ATRNL1: variants seen among roughly 807,000 people sequenced by gnomAD.
ATRNL1 encodes the protein attractin like 1.
Under a neutral mutation model 182.7 loss-of-function variants are expected in ATRNL1, and 95 were observed. The observed-to-expected ratio is 0.52, with a 90% confidence interval of 0.44 to 0.62. The LOEUF is 0.62. Among genes scored for constraint, ATRNL1 ranks in the 20% least tolerant of loss-of-function variants. ATRNL1 has a pLI of 0.00. For missense variants in ATRNL1, 1,471 were observed against 1,679.5 expected, an observed-to-expected ratio of 0.88 and a Z score of 2.17; for synonymous variants, 576 against 568.3, an observed-to-expected ratio of 1.01 and a Z score of -0.19.
intron 15 of ATRNL1, among the ~76,000 whole-genome samples, chr10:115,287,857 C>G (rs1053950343): frequency 6.6e-6 from 1 of 151,744 alleles, no homozygotes; most frequent in Non-Finnish European, 1.5e-5. Context: ...TCTTATCCCT[C>G]CCTTTCGCCT....
chr10:115,578,298 C>T (rs1027071915), intron 26 of ATRNL1, among the ~76,000 whole-genome samples: 2 of 151,690 alleles, frequency 1.3e-5, no homozygotes, highest in African/African-American at 4.8e-5. Context: ...CCTCTATTTT[C>T]ATTTTTTGGA....
At chr10:115,935,174 T>C (rs1953518836) in intron 28 of ATRNL1, among the ~76,000 whole-genome samples, 1 of 152,146 alleles carries the variant, frequency 6.6e-6, no homozygotes, top group Admixed American at 6.5e-5. Context: ...ATCTTTGCCC[T>C]AGTTTGATGT....
intron 19 of ATRNL1, among the ~76,000 whole-genome samples, chr10:115,381,910 T>A (rs1858035739): frequency 6.6e-6 from 1 of 152,122 alleles, no homozygotes; most frequent in Non-Finnish European, 1.5e-5. Context: ...CTATTTTTTT[T>A]AAACATGCAT....
intron 28 of ATRNL1, among the ~76,000 whole-genome samples, chr10:115,885,547 A>G (rs1257397808): frequency 6.6e-6 from 1 of 152,244 alleles, no homozygotes; most frequent in Non-Finnish European, 1.5e-5. Flanking sequence ...ATCTGATCAC[A>G]ATGCTAACAT....
chr10:115,510,452 T>A (rs904246927), intron 24 of ATRNL1, among the ~76,000 whole-genome samples: 12 of 152,006 alleles, frequency 7.9e-5, no homozygotes, highest in African/African-American at 2.7e-4. Flanking sequence ...GCAGCAGCTG[T>A]CAACACTGAG....
chr10:115,601,560 C>T (rs1263377545), intron 26 of ATRNL1, among the ~76,000 whole-genome samples: 1 of 152,102 alleles, frequency 6.6e-6, no homozygotes, highest in Admixed American at 6.5e-5. Flanking sequence ...TTTGCTATTG[C>T]TTGCATGCAG....
intron 26 of ATRNL1, among the ~76,000 whole-genome samples, chr10:115,570,565 G>A (rs1191039713): frequency 1.3e-5 from 2 of 152,076 alleles, no homozygotes; most frequent in Non-Finnish European, 2.9e-5. Flanking sequence ...TTTACATTTT[G>A]TGTATACTAT....
Position 115,241,688 on chromosome 10 carries a change from A to C in ATRNL1, c.1650A>C (p.Ala550=). The change falls in exon 10 of 29, where the codon GCA becomes GCC. Residue 550 remains alanine (A), a synonymous_variant. Coordinates refer to ENST00000355044, the MANE Select transcript of ATRNL1 (RefSeq NM_207303.4). ...THNDTSLSNG[A]KCFSADFLAY... is the part of the protein sequence containing the mutation. Reference sequence around the variant, plus strand: ...ATGACACTTCCTTGAGTAACGGTGCAAAATGTTTTTCTGCCGATTTCCTGG... The same window carrying C: ...ATGACACTTCCTTGAGTAACGGTGCCAAATGTTTTTCTGCCGATTTCCTGG... 1 of 1,611,316 alleles carries C rather than the reference A, an allele frequency of 6.2e-7. No individual in the cohort carries two copies. Among genetic ancestry groups the C allele is most frequent in the Non-Finnish European group, 8.5e-7 (1 of 1,178,106 alleles).
At chr10:115,175,637 A>T (rs902317065) in intron 8 of ATRNL1, among the ~76,000 whole-genome samples, 2 of 152,126 alleles carry the variant, frequency 1.3e-5, no homozygotes. Context: ...TAGATAAACC[A>T]TGGGCAGTTT....
At chr10:115,545,602 G>T (rs545141448) in intron 25 of ATRNL1, among the ~76,000 whole-genome samples, 2 of 152,228 alleles carry the variant, frequency 1.3e-5, no homozygotes, top group East Asian at 1.9e-4. Context: ...AGATAAGAAA[G>T]AATTTAAGCT....
chr10:115,870,217 C>T (rs1422431112), intron 28 of ATRNL1, among the ~76,000 whole-genome samples: 2 of 152,106 alleles, frequency 1.3e-5, no homozygotes, highest in Non-Finnish European at 2.9e-5. Context: ...TGGTAAATGG[C>T]CATACTCTCT....
chr10:115,329,896 G>A (rs1668889798), intron 18 of ATRNL1, among the ~76,000 whole-genome samples: 1 of 152,076 alleles, frequency 6.6e-6, no homozygotes, highest in Non-Finnish European at 1.5e-5. Flanking sequence ...TGGAAGGTAA[G>A]GATTTTGTAC....
At chr10:115,564,825 C>T (rs571997125) in intron 26 of ATRNL1, among the ~76,000 whole-genome samples, 21 of 151,912 alleles carry the variant, frequency 1.4e-4, no homozygotes, top group South Asian at 4.1e-4. Context: ...ACATTACTTA[C>T]GCTAATAATA....
chr10:115,157,123 T>C (rs1271353), intron 5 of ATRNL1, among the ~76,000 whole-genome samples: 6,829 of 152,258 alleles, frequency 0.045, 504 homozygotes, highest in African/African-American at 0.15. Flanking sequence ...CAAATGTGTT[T>C]GAGGCAACAG....
chr10:115,770,327 G>A (rs1274728428), intron 27 of ATRNL1, among the ~76,000 whole-genome samples: 4 of 151,990 alleles, frequency 2.6e-5, no homozygotes, highest in Non-Finnish European at 4.4e-5. Flanking sequence ...ACTAAGCAAT[G>A]AAAATAAGAG....
chr10:115,386,446 T>C (rs1313715728), intron 19 of ATRNL1, among the ~76,000 whole-genome samples: 2 of 152,118 alleles, frequency 1.3e-5, no homozygotes, highest in Admixed American at 6.5e-5. Context: ...GCCAATCCAG[T>C]TGAGGGTGTT....
chr10:115,730,302 T>C (rs1376116774), intron 27 of ATRNL1, among the ~76,000 whole-genome samples: 1 of 150,026 alleles, frequency 6.7e-6, no homozygotes, highest in African/African-American at 2.4e-5. Flanking sequence ...AGAGAAACTT[T>C]GTATGGCATT....
At chr10:115,207,424 C>G (rs1186325261) in intron 8 of ATRNL1, among the ~76,000 whole-genome samples, 1 of 151,874 alleles carries the variant, frequency 6.6e-6, no homozygotes, top group Non-Finnish European at 1.5e-5. Flanking sequence ...TTGGTTTGCA[C>G]TTCTCTGATG....
intron 27 of ATRNL1, among the ~76,000 whole-genome samples, chr10:115,790,885 G>T (rs927455020): frequency 6.6e-6 from 1 of 152,026 alleles, no homozygotes; most frequent in Admixed American, 6.6e-5. Context: ...AAAAATGTTC[G>T]GGGGTTTTTA....
Sources: allele counts gnomAD v4.1 joint callset (sites outside exome capture counted in the v4.1 genomes callset), GRCh38; gene constraint gnomAD v4.1.1; transcripts MANE v1.5; gene names NCBI Gene and HGNC (gene_info 2026-07-23, HGNC 2026-07-21).